The following MINAR1 variants were observed in gnomAD, a reference collection of about 807,000 sequenced individuals.
MINAR1 encodes the protein major intrinsically disordered Notch2-binding receptor 1.
Under a neutral mutation model 65.1 loss-of-function variants are expected in MINAR1, and 40 were observed. That is an observed-to-expected ratio of 0.61 (90% CI 0.48 to 0.80). The LOEUF (loss-of-function observed/expected upper bound fraction) is 0.80, where lower values mean the gene tolerates loss of function less well. Among genes scored for constraint, MINAR1 ranks in the 30% least tolerant of loss-of-function variants. MINAR1 has a pLI of 0.00. For missense variants in MINAR1, 1,128 were observed against 1,148.0 expected (o/e 0.98, Z 0.25); for synonymous variants, 482 against 449.1 (o/e 1.07, Z -0.93).
In MINAR1 at chr15:79,449,806, C is replaced by T. The variant is rs114098563; in HGVS notation, c.-50-6292C>T. Among the ~76,000 whole-genome samples, 859 of 152,290 alleles carry T rather than the reference C, an allele frequency of 5.6e-3. 7 individuals carry two copies. Among genetic ancestry groups the T allele is most frequent in the African/African-American group, 0.019 (808 of 41,554 alleles). ...CTAAATTGTTTGTCCAGCTCCACCTCCTTCTCTCCATCCCTACCAGACATA... is the reference window on the plus strand; with the variant it reads ...CTAAATTGTTTGTCCAGCTCCACCTTCTTCTCTCCATCCCTACCAGACATA... On this transcript the variant is annotated intron_variant, in intron 1 of 3. Transcript: ENST00000305428.
rs1895440282 is a variant in MINAR1, at chr15:79,456,883, G to A, written c.736G>A (p.Glu246Lys). The change falls in exon 2 of 4, where the codon GAG becomes AAG. Residue 246 changes from glutamate to lysine, a missense_variant. Transcript: ENST00000305428. ...SIKETFISNEEPFVVQSCVQK... is the reference protein window; with the variant it reads ...SIKETFISNEKPFVVQSCVQK... Reference sequence around the variant, plus strand: ...CAAGGAGACCTTCATTTCCAATGAGGAGCCATTTGTGGTCCAGTCCTGTGT... The same window carrying A: ...CAAGGAGACCTTCATTTCCAATGAGAAGCCATTTGTGGTCCAGTCCTGTGT... 4 of 1,614,068 alleles carry A rather than the reference G, an allele frequency of 2.5e-6. No homozygotes were observed. Among genetic ancestry groups the A allele is most frequent in the Non-Finnish European group, 3.4e-6 (4 of 1,180,012 alleles).
At chr15:79,443,794 A>G (rs1179256213) in intron 1 of MINAR1, among the ~76,000 whole-genome samples, 1 of 152,174 alleles carries the variant, frequency 6.6e-6, no homozygotes, top group East Asian at 1.9e-4. Flanking sequence ...ACCTATGTGC[A>G]TGCTTATCTA....
At chr15:79,430,590 C>T (rs1894413519), upstream of MINAR1, among the ~76,000 whole-genome samples, 1 of 152,158 alleles carries the variant, frequency 6.6e-6, no homozygotes, top group South Asian at 2.1e-4. Context: ...CCTTTTGCCA[C>T]AAACAATATT....
chr15:79,432,166 G>A (rs962580640), upstream of MINAR1, among the ~76,000 whole-genome samples: 1 of 150,846 alleles, frequency 6.6e-6, no homozygotes, highest in African/African-American at 2.5e-5. Context: ...CAGGGGTTGA[G>A]GGTGAGGCCG....
chr15:79,457,293 C>T lies in MINAR1; in HGVS notation c.1146C>T (p.Ser382=), dbSNP rs780110040. The part of the protein sequence containing the change: ...NTEEVPDFER[S]FFNRNPSEEK... ...AGGAAGTTCCTGACTTTGAACGGTC[C>T]TTTTTCAATAGAAATCCCTCCGAGG... is the stretch of plus-strand genomic sequence containing the variant. The change falls in exon 2 of 4, where the codon TCC becomes TCT. Residue 382 remains serine (S), a synonymous_variant. Coordinates refer to ENST00000305428, the MANE Select transcript of MINAR1 (RefSeq NM_015206.3). The T allele has an allele frequency of 6.2e-7, 1 of 1,614,152 alleles. No individual in the cohort carries two copies. Among genetic ancestry groups the T allele is most frequent in the Non-Finnish European group, 8.5e-7 (1 of 1,180,038 alleles).
chr15:79,454,314 G>T (rs1318936012), intron 1 of MINAR1, among the ~76,000 whole-genome samples: 2 of 152,188 alleles, frequency 1.3e-5, no homozygotes, highest in Non-Finnish European at 1.5e-5. Flanking sequence ...GAAGCCTATT[G>T]GGAGTGGCTG....
the MINAR1 span, chr15:79,423,669 A>G: frequency 6.6e-6 from 1 of 152,228 alleles, no homozygotes; most frequent in East Asian, 1.9e-4. Flanking sequence ...TCAGAATGGT[A>G]TAAACATTCA....
intron 1 of MINAR1, among the ~76,000 whole-genome samples, chr15:79,448,197 C>G (rs949886135): frequency 7.9e-5 from 12 of 152,158 alleles, no homozygotes; most frequent in African/African-American, 2.7e-4. Flanking sequence ...TACTTTCTTG[C>G]CAGATCTGGA....
At chr15:79,462,648 G>A (rs16970962) in intron 2 of MINAR1, among the ~76,000 whole-genome samples, 10,053 of 151,918 alleles carry the variant, frequency 0.066, 481 homozygotes, top group East Asian at 0.29. Flanking sequence ...GCAAAATGGT[G>A]AAAGAAAGAG....
intron 1 of MINAR1, among the ~76,000 whole-genome samples, chr15:79,453,608 G>C (rs7165922): frequency 0.14 from 21,939 of 152,130 alleles, 1,674 homozygotes; most frequent in African/African-American, 0.16. Flanking sequence ...TCTGGTTCTC[G>C]TTGGTGCATT....
chr15:79,468,020 G>T (rs1231236154), intron 3 of MINAR1, among the ~76,000 whole-genome samples, 167 bp from the exon 4 acceptor site: 3 of 152,174 alleles, frequency 2.0e-5, no homozygotes, highest in Non-Finnish European at 4.4e-5. Flanking sequence ...GGATGAGCCT[G>T]TAGTAGCCTG....
At chr15:79,459,270 T>C (rs1259102814) in intron 2 of MINAR1, among the ~76,000 whole-genome samples, 1 of 152,236 alleles carries the variant, frequency 6.6e-6, no homozygotes, top group Non-Finnish European at 1.5e-5. Flanking sequence ...TTAGTTTTTT[T>C]CTCTACACTG....
chr15:79,426,419 G>T, the MINAR1 span: 1 of 152,258 alleles, frequency 6.6e-6, no homozygotes, highest in African/African-American at 2.4e-5. Context: ...ATGCTGTCAA[G>T]GTTCAGGAGA....
rs1374538508 is a variant in MINAR1, at chr15:79,456,507, A to G, written c.360A>G (p.Glu120=). 6.2e-7 allele frequency: 1 copy of G among 1,614,074 alleles called. No homozygotes were observed. Among genetic ancestry groups the G allele is most frequent in the Non-Finnish European group, 8.5e-7 (1 of 1,180,036 alleles). ...QKVRKKEASF[E]SCRSDTEICN... is the part of the protein sequence containing the mutation. ...TACGCAAGAAGGAGGCATCCTTTGA[A>G]TCATGTAGGTCGGACACAGAGATCT... Residue 120 remains glutamate (E), a synonymous_variant, in exon 2 of 4, where the codon GAA becomes GAG. Transcript: ENST00000305428.
chr15:79,432,351 C>T lies in MINAR1; in HGVS notation c.-240C>T, dbSNP rs1225479421. On this transcript the variant is annotated 5_prime_UTR_variant, in exon 1 of 4. Transcript: ENST00000305428. ...GTGTGAGCGCAGACCTGGACTCGGG[C>T]GGCGGAGGCGAAAGTCGCTCCATCC... 2.6e-5 allele frequency among the ~76,000 whole-genome samples: 4 copies of T among 152,134 alleles called. No homozygotes were observed. The highest frequency in any genetic ancestry group is 6.5e-5 in the Admixed American group (1 of 15,280).
At chr15:79,411,409 G>A in the MINAR1 span, 2 of 702,552 alleles carry the variant, frequency 2.8e-6, no homozygotes, top group Non-Finnish European at 5.2e-6. Context: ...GAGATTCAGA[G>A]GAGCTTATTG....
chr15:79,430,544 C>G (rs781428366), upstream of MINAR1, among the ~76,000 whole-genome samples: 2 of 152,146 alleles, frequency 1.3e-5, no homozygotes, highest in Non-Finnish European at 2.9e-5. Context: ...AGGCTTCTTA[C>G]CCTGGGGACC....
chr15:79,437,054 A>G (rs554727868), intron 1 of MINAR1, among the ~76,000 whole-genome samples: 3 of 152,350 alleles, frequency 2.0e-5, no homozygotes, highest in Non-Finnish European at 4.4e-5. Flanking sequence ...TTTATTCAGG[A>G]AGCTAAACAT....
intron 1 of MINAR1, among the ~76,000 whole-genome samples, chr15:79,452,290 A>C (rs1210909349): frequency 6.6e-6 from 1 of 151,448 alleles, no homozygotes; most frequent in African/African-American, 2.4e-5. Context: ...GTGAGTGTGA[A>C]GCTGGGAAGC....
Sources: gnomAD v4.1 joint callset for allele counts (sites outside exome capture counted in the v4.1 genomes callset) on GRCh38, gnomAD v4.1.1 for gene constraint, MANE v1.5 for transcripts, NCBI Gene and HGNC (gene_info 2026-07-23, HGNC 2026-07-21) for gene names.